Variants in VASH2 observed in about 807,000 individuals in gnomAD.
The protein encoded by VASH2 is vasohibin 2.
A neutral mutation model predicts 37.2 loss-of-function variants in VASH2; 28 were observed. The observed-to-expected ratio is 0.75, with a 90% CI of 0.56 to 1.03. The LOEUF (loss-of-function observed/expected upper bound fraction) is 1.03, where lower values mean the gene tolerates loss of function less well. Among genes scored for constraint, VASH2 ranks in the 50% least tolerant of loss-of-function variants. The pLI, the probability that VASH2 is intolerant of heterozygous loss-of-function variation, is 0.00. For missense variants in VASH2, 419 were observed against 459.1 expected (o/e 0.91, Z 0.80); for synonymous variants, 188 against 174.7 (o/e 1.08, Z -0.60).
chr1:212,984,697 T>C (rs1667428767), intron 7 of VASH2, among the ~76,000 whole-genome samples: 1 of 152,236 alleles, frequency 6.6e-6, no homozygotes, highest in South Asian at 2.1e-4. Context: ...AGCTAACTGG[T>C]AGGTCCTACA....
At chr1:212,980,544 G>GT (rs1490354487) in intron 7 of VASH2, among the ~76,000 whole-genome samples, 3 of 152,194 alleles carry the variant, frequency 2.0e-5, no homozygotes, top group Non-Finnish European at 4.4e-5. Context: ...CCAGAGGTTA[G>GT]TAAGCCCTGA....
rs1558147896 is a variant in VASH2 at position 212,971,882 on chromosome 1, A to G, written c.498-698A>G. The stretch of plus-strand genomic sequence containing the variant: ...AAGCATTAAACAAGCCCATCTGTGT[A>G]CCAGGCCAGTGCTGTGCCCAGGGAA... On this transcript the variant is annotated intron_variant, in intron 5 of 7. Coordinates refer to ENST00000517399, the MANE Select transcript of VASH2 (RefSeq NM_001301056.2). The surrounding 1 kb of genome is among the most constrained non-coding windows in gnomAD (Gnocchi z 4.0). Among the ~76,000 whole-genome samples the G allele has an allele frequency of 6.6e-6, 1 of 152,090 alleles. No homozygotes were observed.
At chr1:212,984,769 CAGG>C (rs1367820801) in intron 7 of VASH2, among the ~76,000 whole-genome samples, 2 of 152,160 alleles carry the variant, frequency 1.3e-5, no homozygotes, top group Non-Finnish European at 2.9e-5. Context: ...TCAGAGACAA[CAGG>C]AGATCTAAAG....
At position 212,965,773 on chromosome 1, in the gene VASH2, G is replaced by C. The variant is rs926673328; in HGVS notation, c.417G>C (p.Leu139=). 1.9e-6 allele frequency: 3 copies of C among 1,552,116 alleles called. No individual in the cohort carries two copies. The highest frequency in any genetic ancestry group is 2.6e-6 in the Non-Finnish European group (3 of 1,146,920). Reference sequence around the variant, plus strand: ...TTGAAATTAGGAAAATGAGACCGCTGAGTGGGTAAGTGGTGCATGATCTAT... The same window carrying C: ...TTGAAATTAGGAAAATGAGACCGCTCAGTGGGTAAGTGGTGCATGATCTAT... ...QFFEIRKMRP[L]SGLMETAKEM... Residue 139 remains leucine (L), a synonymous_variant, in exon 4 of 8, where the codon CTG becomes CTC. Transcript: ENST00000517399.
intron 3 of VASH2, 111 bp downstream of exon 3, chr1:212,961,365 G>T: frequency 1.9e-6 from 3 of 1,579,024 alleles, no homozygotes; most frequent in Non-Finnish European, 2.6e-6. Context: ...TCTAAGGTTG[G>T]TGAGGCCAGG....
At chr1:212,956,297 A>G (rs1280544410) in intron 2 of VASH2, among the ~76,000 whole-genome samples, 1 of 152,078 alleles carries the variant, frequency 6.6e-6, no homozygotes, top group East Asian at 1.9e-4. Flanking sequence ...CTTGAACACC[A>G]TCTTTCTGTC....
At position 212,951,872 on chromosome 1, in the gene VASH2, G is replaced by A; in HGVS notation, c.276+54G>A. On this transcript the variant is annotated intron_variant, in intron 2 of 7. Coordinates refer to ENST00000517399, the MANE Select transcript of VASH2 (RefSeq NM_001301056.2). The surrounding 1 kb of genome is among the most constrained non-coding windows in gnomAD (Gnocchi z 4.4). ...GGCTGGGGGTAGGTAGGCAGCGATG[G>A]GACCGTTTCAGCCTATACATAGCAA... is the stretch of plus-strand genomic sequence containing the variant. The A allele has an allele frequency of 6.4e-7, 1 of 1,553,918 alleles. No individual in the cohort carries two copies. The highest frequency in any genetic ancestry group is 8.7e-7 in the Non-Finnish European group (1 of 1,155,394).
At position 212,951,489 on chromosome 1, in the gene VASH2, G is replaced by A. The variant is rs1666302486; in HGVS notation, c.-54G>A. On this transcript the variant is annotated 5_prime_UTR_variant, in exon 2 of 8. Transcript: ENST00000517399. The surrounding 1 kb of genome is among the most constrained non-coding windows in gnomAD (Gnocchi z 4.4). ...CGCGCACACGCCCCCCGCCGCCGCCGCCGCTGCCGCCGCCGCGCGCCCCCA... is the reference window on the plus strand; with the variant it reads ...CGCGCACACGCCCCCCGCCGCCGCCACCGCTGCCGCCGCCGCGCGCCCCCA... 9 of 1,173,856 alleles carry A rather than the reference G, an allele frequency of 7.7e-6. No homozygotes were observed. The South Asian group carries it at 3.4e-4, about 44-fold the overall frequency. The allele number at this position is 1,173,856 out of a possible 1,614,324, so 72.7% of individuals were successfully genotyped here.
In VASH2 at chr1:212,966,382, A is replaced by G. The variant is rs116102108; in HGVS notation, c.497+37A>G. The G allele has an allele frequency of 8.5e-6, 13 of 1,528,772 alleles. No individual in the cohort carries two copies. The South Asian group carries it at 1.2e-4, about 14-fold the overall frequency. The allele number at this position is 1,528,772 out of a possible 1,614,324, so 94.7% of individuals were successfully genotyped here. ...GTTATGTATGCTTAGTTTACTCCAT[A>G]AATGGCGGCTTCACAATGGGGCTTG... On this transcript the variant is annotated intron_variant, in intron 5 of 7. Coordinates refer to ENST00000517399, the MANE Select transcript of VASH2 (RefSeq NM_001301056.2).
chr1:212,968,292 G>C (rs1013886772), intron 5 of VASH2: 25 of 985,374 alleles, frequency 2.5e-5, no homozygotes, highest in Non-Finnish European at 3.0e-5. Context: ...TTTTGGTCTA[G>C]TTTGGCACAA....
At chr1:212,986,099 TA>T (rs1254403921) in intron 7 of VASH2, among the ~76,000 whole-genome samples, 15 of 152,202 alleles carry the variant, frequency 9.9e-5, no homozygotes, top group Admixed American at 9.8e-4. Flanking sequence ...TATATTTGGA[TA>T]AAAAATATAT....
In VASH2 at chr1:212,972,798, A is replaced by G; in HGVS notation, c.716A>G (p.Tyr239Cys). Residue 239 changes from tyrosine (Y) to cysteine (C), a missense_variant, in exon 6 of 8, where the codon TAC (tyrosine) becomes TGC (cysteine). By Grantham distance (194) the Tyr-to-Cys change is radical. Transcript: ENST00000517399. ...IFDFEDSYKK[Y>C]LHTVKKVKIG... ...GACTTTGAGGACTCTTACAAGAAAT[A>G]CCTGCACACAGTCAAGAAGGTCAAG... The G allele has an allele frequency of 6.2e-7, 1 of 1,614,172 alleles. No homozygotes were observed. The highest frequency in any genetic ancestry group is 8.5e-7 in the Non-Finnish European group (1 of 1,180,038).
intron 5 of VASH2, 108 bp downstream of exon 5, chr1:212,966,453 T>C: frequency 1.1e-6 from 1 of 923,546 alleles, no homozygotes; most frequent in South Asian, 1.5e-5. Flanking sequence ...GCCCATTATC[T>C]CCTTTGAGGA....
At chr1:212,987,016 T>C (rs1450183183) in intron 7 of VASH2, among the ~76,000 whole-genome samples, 1 of 151,616 alleles carries the variant, frequency 6.6e-6, no homozygotes, top group African/African-American at 2.4e-5. Flanking sequence ...TGTTGATGAC[T>C]ATTCCTTCCC....
chr1:212,955,965 T>C (rs1666476828), intron 2 of VASH2, among the ~76,000 whole-genome samples: 1 of 152,216 alleles, frequency 6.6e-6, no homozygotes, highest in South Asian at 2.1e-4. Context: ...TCATGGGTGC[T>C]GTTTTGTGCT....
In VASH2 at chr1:212,951,733, A is replaced by G. The variant is rs561573614; in HGVS notation, c.191A>G (p.Glu64Gly). 2 of 1,607,274 alleles carry G rather than the reference A, an allele frequency of 1.2e-6. No individual in the cohort carries two copies. Among genetic ancestry groups the G allele is most frequent in the South Asian group, 2.2e-5 (2 of 89,026 alleles). Residue 64 changes from glutamate to glycine, a missense_variant, in exon 2 of 8, where the codon GAG becomes GGG. This residue lies in a region of VASH2 where 158 missense variants were observed against 163.0 expected (regional missense o/e 0.97). Coordinates refer to ENST00000517399, the MANE Select transcript of VASH2 (RefSeq NM_001301056.2). The surrounding 1 kb of genome is among the most constrained non-coding windows in gnomAD (Gnocchi z 4.4). The part of the protein sequence containing the change: ...SGFPIDSHTW[E>G]RMWMHVAKVH... ...TTCCCCATCGACAGCCACACCTGGG[A>G]GCGCATGTGGATGCACGTGGCCAAG...
intron 5 of VASH2, chr1:212,968,864 CTT>C: frequency 1.0e-6 from 1 of 985,444 alleles, no homozygotes; most frequent in Non-Finnish European, 1.2e-6. Context: ...ACTTCAGACT[CTT>C]TGTTGAGGGG....
At chr1:212,969,082 T>G (rs915781905) in intron 5 of VASH2, 9 of 985,360 alleles carry the variant, frequency 9.1e-6, no homozygotes, top group Non-Finnish European at 9.6e-6. Flanking sequence ...GTTCTTATCC[T>G]TCTGACATTT....
intron 2 of VASH2, among the ~76,000 whole-genome samples, chr1:212,955,434 AGGTCAAAG>A (rs1208901605): frequency 6.6e-6 from 1 of 152,156 alleles, no homozygotes; most frequent in Non-Finnish European, 1.5e-5. Context: ...GCAGTTGACG[AGGTCAAAG>A]GCAGGATTTT....
Sources: allele counts gnomAD v4.1 joint callset (sites outside exome capture counted in the v4.1 genomes callset), GRCh38; gene constraint gnomAD v4.1.1; regional missense constraint gnomAD v4.1.1; non-coding constraint Gnocchi (gnomAD v3.1); transcripts MANE v1.5; gene names NCBI Gene and HGNC (gene_info 2026-07-23, HGNC 2026-07-21).